Variants in NRG1 observed in about 807,000 individuals in gnomAD.
NRG1 encodes the protein neuregulin 1, also known as pro-neuregulin-1, membrane-bound isoform.
A neutral mutation model predicts 63.8 loss-of-function variants in NRG1; 18 were observed. That is an observed-to-expected ratio of 0.28 (90% confidence interval 0.19 to 0.42). NRG1 has a LOEUF of 0.42. Ranked by LOEUF, NRG1 falls within the 10% of genes least tolerant of loss-of-function variation. NRG1 has a pLI of 1.00. For synonymous variants in NRG1, 302 were observed against 301.3 expected (o/e 1.00, Z -0.02); for missense variants, 762 against 814.7 (o/e 0.94, Z 0.79).
intron 1 of NRG1, among the ~76,000 whole-genome samples, chr8:31,880,837 G>A (rs1830294191): frequency 6.6e-6 from 1 of 152,114 alleles, no homozygotes; most frequent in Non-Finnish European, 1.5e-5. Flanking sequence ...TGGCTTAAAG[G>A]AGTATTTGTG....
chr8:31,908,690 G>T (rs2129616885), intron 1 of NRG1, among the ~76,000 whole-genome samples: 1 of 152,130 alleles, frequency 6.6e-6, no homozygotes, highest in African/African-American at 2.4e-5. Flanking sequence ...TGTAAATATT[G>T]CCAAAATATT....
intron 1 of NRG1, among the ~76,000 whole-genome samples, chr8:32,593,475 G>A (rs531532543): frequency 2.0e-5 from 3 of 151,096 alleles, no homozygotes; most frequent in East Asian, 4.0e-4. Context: ...CTAACATGGC[G>A]AAACTCTGTC....
At chr8:32,413,285 C>T (rs1815371381) in intron 1 of NRG1, among the ~76,000 whole-genome samples, 1 of 152,184 alleles carries the variant, frequency 6.6e-6, no homozygotes, top group Non-Finnish European at 1.5e-5. Flanking sequence ...ACCTTCATTA[C>T]AAACCATGCC....
intron 1 of NRG1, among the ~76,000 whole-genome samples, chr8:32,143,253 A>G (rs375880519): frequency 5.3e-4 from 81 of 152,090 alleles, no homozygotes; most frequent in African/African-American, 1.9e-3. Context: ...TGGGGGGGGA[A>G]GAAATAATTC....
At chr8:31,779,429 A>G (rs1366539411) in intron 1 of NRG1, among the ~76,000 whole-genome samples, 1 of 151,900 alleles carries the variant, frequency 6.6e-6, no homozygotes, top group African/African-American at 2.4e-5. Flanking sequence ...CAAGGCATTG[A>G]AAACGCTTGT....
At chr8:32,711,543 T>C (rs1469702093) in intron 5 of NRG1, among the ~76,000 whole-genome samples, 4 of 152,140 alleles carry the variant, frequency 2.6e-5, no homozygotes, top group Non-Finnish European at 5.9e-5. Flanking sequence ...AAAGACAAGA[T>C]TGCTGTAAAA....
At chr8:32,425,095 C>G (rs1420484645) in intron 1 of NRG1, among the ~76,000 whole-genome samples, 5 of 152,172 alleles carry the variant, frequency 3.3e-5, no homozygotes, top group African/African-American at 4.8e-5. Flanking sequence ...AGTAGCATTT[C>G]TCCAACCCAT....
chr8:32,477,120 T>C (rs188375219), intron 1 of NRG1, among the ~76,000 whole-genome samples: 179 of 152,260 alleles, frequency 1.2e-3, no homozygotes, highest in African/African-American at 4.1e-3. Flanking sequence ...GAGTTAAATA[T>C]TCATTCCAGC....
At chr8:32,472,174 C>T (rs549452407) in intron 1 of NRG1, among the ~76,000 whole-genome samples, 1 of 149,896 alleles carries the variant, frequency 6.7e-6, no homozygotes, top group African/African-American at 2.4e-5. Flanking sequence ...GAGTTCTTGG[C>T]GTTTATTCTT....
intron 1 of NRG1, among the ~76,000 whole-genome samples, chr8:32,041,740 A>G (rs1361727368): frequency 6.6e-6 from 1 of 152,206 alleles, no homozygotes; most frequent in African/African-American, 2.4e-5. Context: ...TGTAACAGAG[A>G]AGAAGGAATA....
At chr8:32,360,174 T>A (rs769230408) in intron 1 of NRG1, among the ~76,000 whole-genome samples, 2 of 152,198 alleles carry the variant, frequency 1.3e-5, no homozygotes, top group Admixed American at 1.3e-4. Context: ...AGAATCCCCA[T>A]GTTTCCAGGG....
intron 1 of NRG1, among the ~76,000 whole-genome samples, chr8:32,248,825 A>C (rs1848825414): frequency 6.6e-6 from 1 of 152,136 alleles, no homozygotes; most frequent in South Asian, 2.1e-4. Context: ...TTTAACACTA[A>C]AAACTCAGAG....
intron 5 of NRG1, among the ~76,000 whole-genome samples, chr8:32,658,621 C>G (rs1563878770): frequency 6.6e-6 from 1 of 151,658 alleles, no homozygotes; most frequent in Non-Finnish European, 1.5e-5. Flanking sequence ...TATTTTATCA[C>G]AGAGAGACAA....
chr8:32,615,804 A>G (rs1368988521), intron 4 of NRG1, among the ~76,000 whole-genome samples: 1 of 151,984 alleles, frequency 6.6e-6, no homozygotes, highest in Non-Finnish European at 1.5e-5. Flanking sequence ...GCGGAATGGT[A>G]TGATCCTGGA....
intron 1 of NRG1, among the ~76,000 whole-genome samples, chr8:32,182,448 T>C (rs576844277): frequency 2.0e-5 from 3 of 152,290 alleles, no homozygotes; most frequent in Admixed American, 2.0e-4. Context: ...AGTTTCACCA[T>C]GTTGGCCAGG....
intron 1 of NRG1, among the ~76,000 whole-genome samples, chr8:31,984,964 T>G (rs1294864886): frequency 2.0e-5 from 3 of 152,116 alleles, no homozygotes; most frequent in Admixed American, 2.0e-4. Flanking sequence ...CTTACCTTCT[T>G]CTCTAAGACT....
chr8:31,980,875 T>A (rs900984279), intron 1 of NRG1, among the ~76,000 whole-genome samples: 2 of 152,048 alleles, frequency 1.3e-5, no homozygotes, highest in African/African-American at 4.8e-5. Context: ...CACGTTGATA[T>A]CTTCTTGAAA....
chr8:32,050,128 A>C (rs1299745682), intron 1 of NRG1, among the ~76,000 whole-genome samples: 7 of 152,230 alleles, frequency 4.6e-5, no homozygotes, highest in African/African-American at 1.4e-4. Context: ...AGAAGTTAGC[A>C]TATAGGAAGG....
At chr8:31,701,248 A>C (rs958062754) in intron 1 of NRG1, among the ~76,000 whole-genome samples, 1 of 152,162 alleles carries the variant, frequency 6.6e-6, no homozygotes, top group Non-Finnish European at 1.5e-5. Flanking sequence ...CATACAGCAC[A>C]GTCATCAAAG....
Sources: gnomAD v4.1 joint callset for allele counts (sites outside exome capture counted in the v4.1 genomes callset) on GRCh38, gnomAD v4.1.1 for gene constraint, MANE v1.5 for transcripts, NCBI Gene and HGNC (gene_info 2026-07-23, HGNC 2026-07-21) for gene names.